The following PSMD1 variants were observed in gnomAD, a reference collection of about 807,000 sequenced individuals.
PSMD1 encodes 26S proteasome non-ATPase regulatory subunit 1.
PSMD1 carries 18 observed loss-of-function variants against 119.0 expected under a neutral mutation model. That is an observed-to-expected ratio of 0.15 (90% CI 0.10 to 0.22). The LOEUF (loss-of-function observed/expected upper bound fraction) is 0.22, where lower values mean the gene tolerates loss of function less well. PSMD1 is among the 10% of genes least tolerant of loss of function. The pLI is 1.00. For missense variants in PSMD1, 702 were observed against 1,158.5 expected (o/e 0.61, Z 5.72); for synonymous variants, 374 against 396.6 (o/e 0.94, Z 0.68).
chr2:231,120,812 C>G (rs538650462), intron 16 of PSMD1, among the ~76,000 whole-genome samples: 1 of 152,286 alleles, frequency 6.6e-6, no homozygotes, highest in East Asian at 1.9e-4. Context: ...ACCAAGAACG[C>G]TTGTTTGTAC....
chr2:231,157,847 G>A (rs570764539), intron 19 of PSMD1, among the ~76,000 whole-genome samples: 1 of 152,096 alleles, frequency 6.6e-6, no homozygotes, highest in Non-Finnish European at 1.5e-5. Context: ...GATTACAGGT[G>A]TGAGCCACCA....
At chr2:231,127,596 C>A (rs994871045) in intron 16 of PSMD1, among the ~76,000 whole-genome samples, 4 of 152,172 alleles carry the variant, frequency 2.6e-5, no homozygotes, top group African/African-American at 9.7e-5. Context: ...CTCAAGTGAT[C>A]GCCTGCCTCA....
chr2:231,170,596 G>A lies in PSMD1; in HGVS notation c.2746G>A (p.Asp916Asn). The A allele has an allele frequency of 6.2e-7, 1 of 1,613,958 alleles. No homozygotes were observed. The highest frequency in any genetic ancestry group is 8.5e-7 in the Non-Finnish European group (1 of 1,179,962). ...LSIGGIIILK[D>N]TSEDIEELVE... The stretch of plus-strand genomic sequence containing the variant: ...TATTGGAGGCATCATCATTCTGAAG[G>A]ATACCAGTGAAGACATTGAGGAGCT... Residue 916 changes from aspartate (D) to asparagine (N), a missense_variant, in exon 24 of 25, where the codon GAT becomes AAT. By Grantham distance (23) the Asp-to-Asn change is conservative (BLOSUM62 1). Transcript: ENST00000308696. This position sits in a 1 kb window ranked among gnomAD's most constrained non-coding sequence, Gnocchi z 4.1.
At chr2:231,169,790 T>A (rs1013824083) in intron 23 of PSMD1, among the ~76,000 whole-genome samples, 5 of 152,176 alleles carry the variant, frequency 3.3e-5, no homozygotes, top group Non-Finnish European at 5.9e-5. Context: ...AGAATAAGAT[T>A]AGCACACTAG....
At chr2:231,057,396 G>T (rs1271333425) in intron 1 of PSMD1, among the ~76,000 whole-genome samples, 1 of 152,196 alleles carries the variant, frequency 6.6e-6, no homozygotes, top group East Asian at 1.9e-4. Flanking sequence ...GTTCTTGCCC[G>T]CAGGGGGCCG....
intron 16 of PSMD1, among the ~76,000 whole-genome samples, chr2:231,137,030 C>G (rs967859277): frequency 7.3e-6 from 1 of 136,850 alleles, no homozygotes; most frequent in African/African-American, 2.7e-5. Flanking sequence ...TATTTATGTA[C>G]CATATATAAT....
chr2:231,079,751 T>TA (rs1694260087), intron 11 of PSMD1, 137 bp downstream of exon 11: 1 of 556,168 alleles, frequency 1.8e-6, no homozygotes, highest in South Asian at 3.4e-5. Flanking sequence ...TGGAGAAGGC[T>TA]AAAGTAAATA....
intron 16 of PSMD1, among the ~76,000 whole-genome samples, chr2:231,104,902 CT>C (rs1296720968): frequency 3.9e-5 from 6 of 152,102 alleles, no homozygotes; most frequent in East Asian, 1.9e-4. Flanking sequence ...TGCTCTCCAT[CT>C]TTTTTCCCCC....
chr2:231,161,139 G>A (rs916430306), intron 19 of PSMD1, among the ~76,000 whole-genome samples: 2 of 151,994 alleles, frequency 1.3e-5, no homozygotes, highest in Non-Finnish European at 2.9e-5. Context: ...TTAAGGCCAG[G>A]AGGTCGAGGC....
chr2:231,161,264 A>C, intron 19 of PSMD1, 76 bp from the exon 20 acceptor site: 3 of 1,292,834 alleles, frequency 2.3e-6, no homozygotes, highest in Non-Finnish European at 3.2e-6. Flanking sequence ...AAAGAAAGAA[A>C]GATATCGTTA....
chr2:231,123,291 A>G (rs776885258), intron 16 of PSMD1: 209 of 782,246 alleles, frequency 2.7e-4, no homozygotes, highest in Non-Finnish European at 4.4e-4. Context: ...TACTTGCCGT[A>G]TCTTTAAATA....
chr2:231,062,087 C>G (rs573047637), intron 2 of PSMD1, among the ~76,000 whole-genome samples, 161 bp from the exon 3 acceptor site: 87 of 152,136 alleles, frequency 5.7e-4, no homozygotes, highest in Non-Finnish European at 1.1e-3. Context: ...AATGTGTAAA[C>G]TCAAGAAAAA....
intron 16 of PSMD1, among the ~76,000 whole-genome samples, chr2:231,138,103 G>C (rs1261752973): frequency 6.6e-6 from 1 of 152,132 alleles, no homozygotes; most frequent in Non-Finnish European, 1.5e-5. Flanking sequence ...TGCCAGCCAG[G>C]ATCATCTTTT....
chr2:231,145,527 T>G (rs532752681), intron 17 of PSMD1, among the ~76,000 whole-genome samples: 5 of 152,136 alleles, frequency 3.3e-5, no homozygotes, highest in Non-Finnish European at 7.4e-5. Context: ...CAATAATTGA[T>G]CTTAGCTTAT....
chr2:231,170,549 C>T lies in PSMD1; in HGVS notation c.2716-17C>T, dbSNP rs377484342. ...TGAAATATGAGTGTACGCTTCTGCACGCCCCTGTGTTTCCAGCTCTCTATT... is the reference window on the plus strand; with the variant it reads ...TGAAATATGAGTGTACGCTTCTGCATGCCCCTGTGTTTCCAGCTCTCTATT... On this transcript the variant is annotated splice_polypyrimidine_tract_variant and intron_variant, in intron 23 of 24. Coordinates refer to ENST00000308696, the MANE Select transcript of PSMD1 (RefSeq NM_002807.4). This position sits in a 1 kb window ranked among gnomAD's most constrained non-coding sequence, Gnocchi z 4.1. 6 of 1,601,232 alleles carry T rather than the reference C, an allele frequency of 3.7e-6. No homozygotes were observed. Among genetic ancestry groups the T allele is most frequent in the African/African-American group, 2.7e-5 (2 of 74,160 alleles).
At chr2:231,157,467 G>A (rs1696536920) in intron 19 of PSMD1, among the ~76,000 whole-genome samples, 1 of 145,012 alleles carries the variant, frequency 6.9e-6, no homozygotes, top group African/African-American at 2.5e-5. Context: ...TTTTGTTTGG[G>A]GCTTTTTTAC....
At chr2:231,101,409 A>T (rs921369251) in intron 16 of PSMD1, among the ~76,000 whole-genome samples, 1 of 152,218 alleles carries the variant, frequency 6.6e-6, no homozygotes, top group African/African-American at 2.4e-5. Flanking sequence ...CACCACCCTG[A>T]CCGGTCTCCT....
intron 19 of PSMD1, among the ~76,000 whole-genome samples, chr2:231,155,031 T>C (rs1334546663): frequency 6.6e-6 from 1 of 152,216 alleles, no homozygotes; most frequent in Non-Finnish European, 1.5e-5. Context: ...TGGAGTTCAT[T>C]TGACATATGC....
chr2:231,113,536 C>A (rs1695228229), intron 16 of PSMD1, among the ~76,000 whole-genome samples: 1 of 152,180 alleles, frequency 6.6e-6, no homozygotes, highest in Admixed American at 6.5e-5. Flanking sequence ...TGTTACTTGT[C>A]ACACTTTTTA....
Sources: gnomAD v4.1 joint callset for allele counts (sites outside exome capture counted in the v4.1 genomes callset) on GRCh38, gnomAD v4.1.1 for gene constraint, Gnocchi (gnomAD v3.1) non-coding constraint, MANE v1.5 for transcripts, NCBI Gene and HGNC (gene_info 2026-07-23, HGNC 2026-07-21) for gene names.